The following DCC variants were observed in gnomAD, a reference collection of about 807,000 sequenced individuals.
DCC encodes DCC netrin 1 receptor.
In DCC, 58 loss-of-function variants were observed where a neutral mutation model predicts 172.5. The ratio of observed to expected loss-of-function variants is 0.34; its 90% CI spans 0.27 to 0.42. The LOEUF (loss-of-function observed/expected upper bound fraction) is 0.42, where lower values mean the gene tolerates loss of function less well. DCC is among the 10% of genes least tolerant of loss of function. The pLI is 1.00. For missense variants in DCC, 1,740 were observed against 1,791.0 expected, an observed-to-expected ratio of 0.97 and a Z score of 0.51; for synonymous variants, 709 against 644.5, an observed-to-expected ratio of 1.10 and a Z score of -1.52.
intron 1 of DCC, among the ~76,000 whole-genome samples, chr18:52,461,690 T>A (rs1418961045): frequency 6.6e-6 from 1 of 152,206 alleles, no homozygotes; most frequent in African/African-American, 2.4e-5. Flanking sequence ...TGTGATTAGC[T>A]GAAATGTCAT....
At chr18:53,471,479 A>G (rs959304431) in intron 25 of DCC, among the ~76,000 whole-genome samples, 45 of 152,198 alleles carry the variant, frequency 3.0e-4, no homozygotes, top group Non-Finnish European at 2.9e-5. Flanking sequence ...CTCTCAATAT[A>G]TAAATTAGAT....
At position 53,442,457 on chromosome 18, in the gene DCC, C is replaced by T. The variant is rs540088941; in HGVS notation, c.3229+7248C>T. 3.9e-5 allele frequency among the ~76,000 whole-genome samples: 6 copies of T among 152,250 alleles called. 1 individual carries two copies. In the South Asian group the frequency reaches 6.2e-4, roughly 16 times the overall value. Reference sequence around the variant, plus strand: ...ACCCATATAAGATGATGATCTTAACCGATAAACTGTTGTGTGTTCCAGCTG... The same window carrying T: ...ACCCATATAAGATGATGATCTTAACTGATAAACTGTTGTGTGTTCCAGCTG... On this transcript the variant is annotated intron_variant, in intron 22 of 28. Coordinates refer to ENST00000442544, the MANE Select transcript of DCC (RefSeq NM_005215.4).
intron 1 of DCC, among the ~76,000 whole-genome samples, chr18:52,456,003 T>G (rs937989177): frequency 3.3e-5 from 5 of 152,190 alleles, no homozygotes; most frequent in African/African-American, 4.8e-5. Context: ...AAGGTTAACT[T>G]TTGGTTTTCC....
intron 7 of DCC, among the ~76,000 whole-genome samples, chr18:53,091,200 A>G (rs562165437): frequency 6.6e-6 from 1 of 151,942 alleles, no homozygotes; most frequent in African/African-American, 2.4e-5. Context: ...GTGTACTTAG[A>G]ACTCATATAG....
At chr18:53,308,830 T>C (rs1599008807) in intron 13 of DCC, among the ~76,000 whole-genome samples, 1 of 152,164 alleles carries the variant, frequency 6.6e-6, no homozygotes, top group Non-Finnish European at 1.5e-5. Flanking sequence ...TTTATTCTCA[T>C]AGTTCAGGAG....
intron 5 of DCC, among the ~76,000 whole-genome samples, chr18:52,997,334 T>A (rs2041498108): frequency 2.0e-5 from 3 of 152,124 alleles, no homozygotes; most frequent in African/African-American, 7.2e-5. Context: ...CTTCTAAATA[T>A]GTGAATAGCA....
chr18:52,919,166 G>A (rs1267141074), intron 3 of DCC, among the ~76,000 whole-genome samples: 2 of 152,168 alleles, frequency 1.3e-5, no homozygotes, highest in African/African-American at 2.4e-5. Context: ...GTCAGAGACA[G>A]CAATGGCAAA....
chr18:52,441,927 G>A (rs1014164763), intron 1 of DCC, among the ~76,000 whole-genome samples: 8 of 152,240 alleles, frequency 5.3e-5, no homozygotes, highest in African/African-American at 1.9e-4. Context: ...CCAGTGAAGG[G>A]GAATTTGCAA....
intron 27 of DCC, among the ~76,000 whole-genome samples, chr18:53,502,347 A>G (rs1363212092): frequency 6.6e-6 from 1 of 152,088 alleles, no homozygotes; most frequent in Non-Finnish European, 1.5e-5. Flanking sequence ...TGTTCATTTC[A>G]TAATGTCTTA....
chr18:52,799,084 G>T (rs2037933050), intron 2 of DCC, among the ~76,000 whole-genome samples: 1 of 152,142 alleles, frequency 6.6e-6, no homozygotes, highest in African/African-American at 2.4e-5. Flanking sequence ...AATAAAACAG[G>T]AACTATTACA....
intron 1 of DCC, among the ~76,000 whole-genome samples, chr18:52,673,634 C>T (rs1204910072): frequency 6.6e-6 from 1 of 152,158 alleles, no homozygotes; most frequent in Non-Finnish European, 1.5e-5. Flanking sequence ...AGGTATAGCT[C>T]ACCCTCAAAG....
intron 4 of DCC, among the ~76,000 whole-genome samples, chr18:52,924,270 C>T (rs112088051): frequency 0.048 from 7,327 of 152,154 alleles, 213 homozygotes; most frequent in Non-Finnish European, 0.062. Context: ...AATCATTTCA[C>T]AATGTATACA....
intron 1 of DCC, among the ~76,000 whole-genome samples, chr18:52,447,931 G>A (rs1251114503): frequency 6.6e-6 from 1 of 152,144 alleles, no homozygotes; most frequent in Admixed American, 6.5e-5. Context: ...CAACACTGGG[G>A]ATTATATTCC....
intron 1 of DCC, among the ~76,000 whole-genome samples, chr18:52,373,400 C>T (rs1440885284): frequency 1.3e-5 from 2 of 152,146 alleles, no homozygotes; most frequent in African/African-American, 4.8e-5. Context: ...AGCAATTTTT[C>T]AGCTGCTTAT....
intron 12 of DCC, among the ~76,000 whole-genome samples, chr18:53,240,041 AAAAAAAAAACAAC>A (rs1474973880): frequency 5.7e-5 from 8 of 141,196 alleles, no homozygotes; most frequent in Admixed American, 3.0e-4. Flanking sequence ...AAAAAAAAAA[AAAAAAAAAACAAC>A]AAAACACTTT....
chr18:53,009,667 T>G (rs2041699527), intron 5 of DCC, among the ~76,000 whole-genome samples: 1 of 151,966 alleles, frequency 6.6e-6, no homozygotes, highest in Non-Finnish European at 1.5e-5. Flanking sequence ...TCATATATGT[T>G]AGTAACAAGA....
Position 52,497,280 on chromosome 18 carries a change from AAT to A in DCC, c.91+156436_91+156437del, listed in dbSNP as rs1172366771. Among the ~76,000 whole-genome samples, 99 of 21,554 alleles carry A rather than the reference AAT, an allele frequency of 4.6e-3. 4 individuals are homozygous for A. The highest frequency in any genetic ancestry group is 0.012 in the African/African-American group (91 of 7,398). 14.1% of individuals were successfully genotyped at this position (21,554 alleles called of 152,430 possible). ...TGTATCAAAAAAAAAAAAAAAAAAA[AAT>A]ATATATATATATATATATATATATA... On this transcript the variant is annotated intron_variant, in intron 1 of 28. Transcript: ENST00000442544.
chr18:52,380,725 G>T (rs1052831862), intron 1 of DCC, among the ~76,000 whole-genome samples: 6 of 152,074 alleles, frequency 3.9e-5, no homozygotes, highest in Non-Finnish European at 8.8e-5. Flanking sequence ...GAAACAACTG[G>T]TAAGATCCAT....
At chr18:52,948,469 A>T (rs938043919) in intron 5 of DCC, among the ~76,000 whole-genome samples, 3 of 152,192 alleles carry the variant, frequency 2.0e-5, no homozygotes, top group Non-Finnish European at 4.4e-5. Context: ...TATACCGGAT[A>T]CTGTGCAATA....
Sources: allele counts gnomAD v4.1 joint callset (sites outside exome capture counted in the v4.1 genomes callset), GRCh38; gene constraint gnomAD v4.1.1; transcripts MANE v1.5; gene names NCBI Gene and HGNC (gene_info 2026-07-23, HGNC 2026-07-21).